The following CLASP1 variants were observed in gnomAD, a reference collection of about 807,000 sequenced individuals.
The protein encoded by CLASP1 is CLIP-associating protein 1.
In CLASP1, 38 loss-of-function variants were observed where a neutral mutation model predicts 192.3. The ratio of observed to expected loss-of-function variants is 0.20; its 90% CI spans 0.15 to 0.26. The LOEUF is 0.26. Ranked by LOEUF, CLASP1 falls within the 10% of genes least tolerant of loss-of-function variation. CLASP1 has a pLI of 1.00. For synonymous variants in CLASP1, 691 were observed against 712.8 expected (o/e 0.97, Z 0.49); for missense variants, 1,433 against 1,932.5 (o/e 0.74, Z 4.85).
chr2:121,594,370 C>T (rs1342135908), intron 2 of CLASP1, among the ~76,000 whole-genome samples: 3 of 150,656 alleles, frequency 2.0e-5, no homozygotes, highest in South Asian at 2.1e-4. Flanking sequence ...GAGTATGTCT[C>T]GTAAATCAGG....
chr2:121,400,192 T>C (rs2075957308), intron 28 of CLASP1, among the ~76,000 whole-genome samples: 1 of 152,150 alleles, frequency 6.6e-6, no homozygotes, highest in Admixed American at 6.5e-5. Context: ...TTTAGTACAT[T>C]ACTTTGATTC....
At chr2:121,451,470 G>C (rs541985476) in intron 15 of CLASP1, among the ~76,000 whole-genome samples, 7 of 152,324 alleles carry the variant, frequency 4.6e-5, no homozygotes, top group African/African-American at 1.4e-4. Flanking sequence ...TCTAACACTT[G>C]TCTACTAACA....
chr2:121,444,250 G>A (rs1026532041), intron 19 of CLASP1, among the ~76,000 whole-genome samples: 6 of 152,118 alleles, frequency 3.9e-5, no homozygotes, highest in African/African-American at 1.4e-4. Flanking sequence ...ATCTGGATAT[G>A]CCTATTTCTT....
At chr2:121,616,072 C>G (rs2066406640) in intron 1 of CLASP1, among the ~76,000 whole-genome samples, 1 of 152,190 alleles carries the variant, frequency 6.6e-6, no homozygotes, top group Non-Finnish European at 1.5e-5. Context: ...GTTCAAGAAG[C>G]CTTAATAAAA....
chr2:121,570,479 T>G (rs1009990493), intron 2 of CLASP1, among the ~76,000 whole-genome samples: 4 of 152,266 alleles, frequency 2.6e-5, no homozygotes, highest in African/African-American at 9.6e-5. Context: ...CATGCCTGAT[T>G]GTTCATTTTC....
intron 20 of CLASP1, among the ~76,000 whole-genome samples, chr2:121,429,234 C>T (rs927755896): frequency 8.8e-5 from 13 of 148,250 alleles, no homozygotes; most frequent in African/African-American, 3.4e-4. Context: ...CTCTCTACAA[C>T]AGACAGACAG....
intron 7 of CLASP1, among the ~76,000 whole-genome samples, chr2:121,508,077 T>C (rs2093998000): frequency 6.6e-6 from 1 of 151,790 alleles, no homozygotes; most frequent in Non-Finnish European, 1.5e-5. Flanking sequence ...AATAACTACA[T>C]AGGTAAATAT....
At chr2:121,628,515 A>C (rs2068814956) in intron 1 of CLASP1, among the ~76,000 whole-genome samples, 1 of 151,918 alleles carries the variant, frequency 6.6e-6, no homozygotes, top group South Asian at 2.1e-4. Context: ...ATCTCTACTA[A>C]AAATACAAAA....
intron 2 of CLASP1, chr2:121,530,939 G>C (rs770147655): frequency 1.3e-5 from 9 of 700,418 alleles, no homozygotes; most frequent in Admixed American, 6.0e-5. Context: ...GGGCAGTACT[G>C]CTAACGCCTG....
At chr2:121,411,055 A>G (rs1174456389) in intron 23 of CLASP1, 86 bp from the exon 25 acceptor site, 1 of 778,272 alleles carries the variant, frequency 1.3e-6, no homozygotes, top group Non-Finnish European at 2.0e-6. Context: ...CTTCCCACCA[A>G]GTAGACAGAA....
At chr2:121,599,176 A>G (rs2105846253) in intron 2 of CLASP1, among the ~76,000 whole-genome samples, 1 of 151,766 alleles carries the variant, frequency 6.6e-6, no homozygotes, top group Admixed American at 6.6e-5. Context: ...TTTTTTTTTA[A>G]TAAGCCATTG....
intron 2 of CLASP1, among the ~76,000 whole-genome samples, chr2:121,565,767 A>AT (rs2105349362): frequency 6.6e-6 from 1 of 152,374 alleles, no homozygotes; most frequent in African/African-American, 2.4e-5. Flanking sequence ...GCAGATCTGC[A>AT]TGCTCAAGTC....
At chr2:121,595,891 T>C (rs2063080597) in intron 2 of CLASP1, among the ~76,000 whole-genome samples, 1 of 152,244 alleles carries the variant, frequency 6.6e-6, no homozygotes, top group South Asian at 2.1e-4. Flanking sequence ...ATGCTACATA[T>C]TAAAAGCACT....
intron 1 of CLASP1, among the ~76,000 whole-genome samples, chr2:121,641,739 A>G (rs192879545): frequency 1.3e-5 from 2 of 152,338 alleles, no homozygotes; most frequent in East Asian, 3.9e-4. Flanking sequence ...AATAGCAAAA[A>G]ATATACTTAA....
intron 5 of CLASP1, 63 bp from the exon 6 acceptor site, chr2:121,525,983 C>G: frequency 9.1e-7 from 1 of 1,096,406 alleles, no homozygotes; most frequent in East Asian, 2.4e-5. Flanking sequence ...AGATGCCTGT[C>G]TGCCCACACC....
At chr2:121,569,056 ATATT>A (rs35406601) in intron 2 of CLASP1, among the ~76,000 whole-genome samples, 5,702 of 152,168 alleles carry the variant, frequency 0.037, 375 homozygotes, top group African/African-American at 0.13. Flanking sequence ...TACTCAATAA[ATATT>A]TATTGAGTGG....
chr2:121,478,630 T>TAC (rs748910680), intron 8 of CLASP1, among the ~76,000 whole-genome samples: 6 of 32,450 alleles, frequency 1.8e-4, no homozygotes, highest in East Asian at 9.8e-4. Flanking sequence ...CACACACACA[T>TAC]ACACACACAC....
chr2:121,578,445 A>C (rs1041777982), intron 2 of CLASP1, among the ~76,000 whole-genome samples: 2 of 139,300 alleles, frequency 1.4e-5, no homozygotes, highest in African/African-American at 5.7e-5. Flanking sequence ...AAAAAAAAAA[A>C]AGGGCCAGGT....
At chr2:121,346,828 C>T (rs182947728) in intron 39 of CLASP1, among the ~76,000 whole-genome samples, 2 of 152,344 alleles carry the variant, frequency 1.3e-5, no homozygotes, top group African/African-American at 4.8e-5. Flanking sequence ...GGAGTTAAGG[C>T]AGACTATGTT....
Sources: allele counts gnomAD v4.1 joint callset (sites outside exome capture counted in the v4.1 genomes callset), GRCh38; gene constraint gnomAD v4.1.1; transcripts MANE v1.5; gene names NCBI Gene and HGNC (gene_info 2026-07-23, HGNC 2026-07-21).